Variants in SNX4 observed in about 807,000 individuals in gnomAD.
SNX4 encodes the protein sorting nexin-4.
In SNX4, 49 loss-of-function variants were observed where a neutral mutation model predicts 70.8. The ratio of observed to expected loss-of-function variants is 0.69; its 90% CI spans 0.55 to 0.88. SNX4 has a LOEUF of 0.88. Ranked by LOEUF, SNX4 falls within the 40% of genes least tolerant of loss-of-function variation. The pLI is 0.00. For synonymous variants in SNX4, 206 were observed against 183.8 expected (o/e 1.12, Z -0.98); for missense variants, 528 against 544.8 (o/e 0.97, Z 0.31).
intron 12 of SNX4, among the ~76,000 whole-genome samples, chr3:125,451,881 C>T (rs1226680941): frequency 6.6e-6 from 1 of 152,130 alleles, no homozygotes. Flanking sequence ...CCCACCTCAG[C>T]CTCCCAAACT....
chr3:125,487,677 A>G (rs1214312124), intron 6 of SNX4, among the ~76,000 whole-genome samples: 5 of 151,974 alleles, frequency 3.3e-5, no homozygotes. Flanking sequence ...ATACTTATAA[A>G]AACCTCAATG....
chr3:125,492,057 G>C (rs563070315), intron 5 of SNX4, among the ~76,000 whole-genome samples: 1 of 135,662 alleles, frequency 7.4e-6, no homozygotes, highest in East Asian at 2.2e-4. Flanking sequence ...GCAGTGAGCC[G>C]AGATCGCGCC....
chr3:125,479,493 T>G (rs987707595), intron 7 of SNX4, among the ~76,000 whole-genome samples: 10 of 152,064 alleles, frequency 6.6e-5, no homozygotes, highest in African/African-American at 2.2e-4. Flanking sequence ...AGGTGGAGGT[T>G]GCAGTGAGCT....
intron 12 of SNX4, among the ~76,000 whole-genome samples, chr3:125,453,015 G>A (rs1933617064): frequency 6.6e-6 from 1 of 152,184 alleles, no homozygotes; most frequent in African/African-American, 2.4e-5. Flanking sequence ...CTCTTGGTCT[G>A]CCTTGGTCTA....
At chr3:125,471,480 G>A (rs1934174011) in intron 8 of SNX4, among the ~76,000 whole-genome samples, 4 of 151,740 alleles carry the variant, frequency 2.6e-5, no homozygotes, top group Admixed American at 2.6e-4. Flanking sequence ...ACAAGTTGGT[G>A]TGCCTTTGCA....
intron 8 of SNX4, among the ~76,000 whole-genome samples, chr3:125,470,862 G>C (rs1934152271): frequency 1.3e-5 from 2 of 151,938 alleles, no homozygotes; most frequent in East Asian, 1.9e-4. Context: ...GCTAAAAAAA[G>C]GTTTGAAAAT....
At chr3:125,490,110 CAG>C (rs1281080184) in intron 5 of SNX4, among the ~76,000 whole-genome samples, 5 of 151,858 alleles carry the variant, frequency 3.3e-5, no homozygotes, top group Non-Finnish European at 7.4e-5. Flanking sequence ...GCCTGGACGA[CAG>C]AGAGAGACTC....
At chr3:125,474,203 G>A (rs1430095719) in intron 8 of SNX4, among the ~76,000 whole-genome samples, 1 of 152,134 alleles carries the variant, frequency 6.6e-6, no homozygotes, top group African/African-American at 2.4e-5. Flanking sequence ...TATCATTTAG[G>A]TCTCTTTATT....
Position 125,520,164 on chromosome 3 carries a change from C to T in SNX4, c.9G>A (p.Gln3=), listed in dbSNP as rs368864866. 2.3e-4 allele frequency: 324 copies of T among 1,394,538 alleles called. 4 individuals carry two copies. In the African/African-American group the frequency reaches 4.5e-3, roughly 19 times the overall value. The allele number at this position is 1,394,538 out of a possible 1,614,324, so 86.4% of individuals were successfully genotyped here. A position where few individuals can be genotyped will look rare whatever the true frequency, so the allele number is the denominator to read the frequency against. The change falls in exon 1 of 14, where the codon CAG becomes CAA. Residue 3 remains glutamine (Q), a synonymous_variant. Transcript: ENST00000251775. ME[Q]APPDPERQLQ... ...GCTGCCGCTCGGGGTCCGGAGGTGCCTGCTCCATGGCTGCAGTTCGGCGCG... is the reference window on the plus strand; with the variant it reads ...GCTGCCGCTCGGGGTCCGGAGGTGCTTGCTCCATGGCTGCAGTTCGGCGCG...
intron 9 of SNX4, among the ~76,000 whole-genome samples, chr3:125,466,794 A>C (rs956804118): frequency 2.0e-5 from 3 of 151,882 alleles, no homozygotes; most frequent in African/African-American, 7.2e-5. Flanking sequence ...TGTTTAAAAA[A>C]AGAAAAAAAG....
At chr3:125,449,555 C>T (rs1049910565) in intron 13 of SNX4, among the ~76,000 whole-genome samples, 1 of 152,128 alleles carries the variant, frequency 6.6e-6, no homozygotes, top group African/African-American at 2.4e-5. Context: ...ATCTATATCA[C>T]TTAGGCAAGA....
chr3:125,505,547 C>G (rs1400481558), intron 1 of SNX4, among the ~76,000 whole-genome samples: 1 of 152,212 alleles, frequency 6.6e-6, no homozygotes, highest in Non-Finnish European at 1.5e-5. Context: ...TGCAGCATTC[C>G]TGGAACAGCC....
intron 10 of SNX4, among the ~76,000 whole-genome samples, chr3:125,459,976 C>T (rs886812698): frequency 2.6e-5 from 4 of 151,508 alleles, no homozygotes; most frequent in East Asian, 2.0e-4. Flanking sequence ...GTGGATTACC[C>T]GAGGTCAGGA....
rs757897798 is a variant in SNX4, at chr3:125,454,100, GA to G, written c.1045-146del. On this transcript the variant is annotated intron_variant, in intron 11 of 13. Coordinates refer to ENST00000251775, the MANE Select transcript of SNX4 (RefSeq NM_003794.4). ...AAACCTGCAGGACATTATGCTAAGT[GA>G]AATAAGACAGATACAAAAAGACAAA... 7.7e-5 allele frequency: 50 copies of G among 652,170 alleles called. 1 individual carries two copies. The highest frequency in any genetic ancestry group is 1.1e-4 in the Non-Finnish European group (44 of 388,720). The allele number at this position is 652,170 out of a possible 1,614,324, so 40.4% of individuals were successfully genotyped here. A position where few individuals can be genotyped will look rare whatever the true frequency, so the allele number is the denominator to read the frequency against.
chr3:125,515,686 A>G (rs1935262639), intron 1 of SNX4, among the ~76,000 whole-genome samples: 1 of 151,474 alleles, frequency 6.6e-6, no homozygotes, highest in Non-Finnish European at 1.5e-5. Context: ...AAAAAAAAGA[A>G]AATGTATTTT....
intron 1 of SNX4, 107 bp from the exon 2 acceptor site, chr3:125,504,851 A>T (rs564266026): frequency 1.1e-4 from 145 of 1,284,932 alleles, no homozygotes; most frequent in Non-Finnish European, 1.4e-4. Flanking sequence ...TATATATTTC[A>T]AAATAGTTAC....
intron 9 of SNX4, 133 bp downstream of exon 9, chr3:125,469,321 T>C: frequency 2.0e-6 from 1 of 497,322 alleles, no homozygotes; most frequent in Non-Finnish European, 3.6e-6. Context: ...GAGATAAATT[T>C]AAGTCAGATA....
chr3:125,517,156 T>C (rs1935300993), intron 1 of SNX4: 2 of 150,864 alleles, frequency 1.3e-5, no homozygotes, highest in Non-Finnish European at 2.9e-5. Context: ...TACAAGACTA[T>C]TTTAAACTTT....
intron 11 of SNX4, 89 bp downstream of exon 11, chr3:125,457,177 A>T (rs1357035052): frequency 2.3e-6 from 2 of 860,382 alleles, no homozygotes; most frequent in Admixed American, 3.6e-5. Flanking sequence ...CTGATTCTAC[A>T]GGAGTGAGTT....
Sources: gnomAD v4.1 joint callset for allele counts (sites outside exome capture counted in the v4.1 genomes callset) on GRCh38, gnomAD v4.1.1 for gene constraint, MANE v1.5 for transcripts, NCBI Gene and HGNC (gene_info 2026-07-23, HGNC 2026-07-21) for gene names.